H2AC7: variants seen among roughly 807,000 people sequenced by gnomAD.
H2AC7 encodes H2A clustered histone 7, also known as histone H2A type 1-D.
H2AC7 carries 15 observed loss-of-function variants against 8.3 expected under a neutral mutation model. That is an observed-to-expected ratio of 1.81 (90% CI 1.21 to 2.79). The LOEUF (loss-of-function observed/expected upper bound fraction) is 2.79, where lower values mean the gene tolerates loss of function less well. H2AC7 is among the 30% of genes most tolerant of loss of function. H2AC7 has a pLI of 0.00. For missense variants in H2AC7, 283 were observed against 175.2 expected, an observed-to-expected ratio of 1.62 and a Z score of -3.47; for synonymous variants, 168 against 80.1, an observed-to-expected ratio of 2.10 and a Z score of -5.86.
rs1275621297 is a variant in H2AC7, at chr6:26,199,257, A to T, written c.-14T>A. The T allele has an allele frequency of 1.9e-6, 3 of 1,590,850 alleles. No homozygotes were observed. The highest frequency in any genetic ancestry group is 2.0e-5 in the Admixed American group (1 of 51,164). On this transcript the variant is annotated 5_prime_UTR_variant, in exon 1 of 1. Transcript: ENST00000341023. ...GCGTCCGGACATTTTGAATTCTTAA[A>T]AACGATGTTAAGCAATGAAGACAAA...
chr6:26,198,938 T>G lies in H2AC7; in HGVS notation c.306A>C (p.Thr102=), dbSNP rs142041097. 6.2e-7 allele frequency: 1 copy of G among 1,614,202 alleles called. No individual in the cohort carries two copies. Among genetic ancestry groups the G allele is most frequent in the Non-Finnish European group, 8.5e-7 (1 of 1,180,024 alleles). Residue 102 remains threonine, a synonymous_variant, in exon 1 of 1, where the codon ACA becomes ACC. Transcript: ENST00000341023. ...TGGGCAGAACACCGCCCTGAGCAAT[T>G]GTGACTTTACCCAGCAACTTGTTTA... ...EELNKLLGKV[T]IAQGGVLPNI...
In H2AC7 at chr6:26,198,926, G is replaced by A; in HGVS notation, c.318C>T (p.Gly106=). The part of the protein sequence containing the change: ...KLLGKVTIAQ[G]GVLPNIQAVL... ...CAGCCTGGATGTTGGGCAGAACACC[G>A]CCCTGAGCAATTGTGACTTTACCCA... The change falls in exon 1 of 1, where the codon GGC becomes GGT. Residue 106 remains glycine, a synonymous_variant. Transcript: ENST00000341023. 2 of 1,614,202 alleles carry A rather than the reference G, an allele frequency of 1.2e-6. No individual in the cohort carries two copies. Among genetic ancestry groups the A allele is most frequent in the Non-Finnish European group, 1.7e-6 (2 of 1,180,024 alleles).
chr6:26,199,230 C>CA lies in H2AC7; in HGVS notation c.13_14insT (p.Gly5ValfsTer10). 3 of 1,602,800 alleles carry CA rather than the reference C, an allele frequency of 1.9e-6. No homozygotes were observed. The South Asian group carries it at 3.4e-5, about 18-fold the overall frequency. On this transcript the variant is annotated frameshift_variant, in exon 1 of 1. Transcript: ENST00000341023. LOFTEE classifies it high-confidence loss of function. ...AGCTCGGGCCTTTCCGCCTTGCTTG[C>CA]CGCGTCCGGACATTTTGAATTCTTA...
At position 26,199,146 on chromosome 6, in the gene H2AC7, C is replaced by A; in HGVS notation, c.98G>T (p.Arg33Leu). 6.2e-7 allele frequency: 1 copy of A among 1,614,114 alleles called. No homozygotes were observed. Among genetic ancestry groups the A allele is most frequent in the Non-Finnish European group, 8.5e-7 (1 of 1,180,006 alleles). Residue 33 changes from arginine (R) to leucine (L), a missense_variant, in exon 1 of 1, where the codon CGC becomes CTC. By Grantham distance (102) the Arg-to-Leu change is moderately radical. Transcript: ENST00000341023. ...GLQFPVGRVH[R>L]LLRKGNYSER... ...GGAGTAGTTGCCCTTGCGGAGCAAGCGGTGTACGCGGCCCACAGGGAACTG... is the reference window on the plus strand; with the variant it reads ...GGAGTAGTTGCCCTTGCGGAGCAAGAGGTGTACGCGGCCCACAGGGAACTG...
At position 26,198,852 on chromosome 6, in the gene H2AC7, T is replaced by C. The variant is rs1351583142; in HGVS notation, c.392A>G (p.Ter131=). Residue 131 remains the stop codon, a stop_retained_variant, in exon 1 of 1, where the codon TAA becomes TGA. Transcript: ENST00000341023. ...TESHHKAKGK[*] ...AAAGCCAATATAAGAGTTCTCGTTT[T>C]ACTTGCCCTTGGCCTTGTGGTGACT... 1.2e-6 allele frequency: 2 copies of C among 1,611,778 alleles called. No homozygotes were observed. Among genetic ancestry groups the C allele is most frequent in the South Asian group, 2.2e-5 (2 of 90,716 alleles).
At position 26,199,283 on chromosome 6, in the gene H2AC7, A is replaced by C; in HGVS notation, c.-40T>G. 1 of 1,575,442 alleles carries C rather than the reference A, an allele frequency of 6.3e-7. No individual in the cohort carries two copies. Among genetic ancestry groups the C allele is most frequent in the Non-Finnish European group, 8.6e-7 (1 of 1,168,218 alleles). Reference sequence around the variant, plus strand: ...AACGATGTTAAGCAATGAAGACAAAAATGTAAAAGTGAATTTTGTTAGCAA... The same window carrying C: ...AACGATGTTAAGCAATGAAGACAAACATGTAAAAGTGAATTTTGTTAGCAA... On this transcript the variant is annotated 5_prime_UTR_variant, in exon 1 of 1. The change creates a new upstream start codon in the 5' untranslated region. Transcript: ENST00000341023.
Position 26,199,139 on chromosome 6 carries a change from G to C in H2AC7, c.105C>G (p.Leu35=), listed in dbSNP as rs372864503. The C allele has an allele frequency of 2.3e-5, 37 of 1,614,112 alleles. No individual in the cohort carries two copies. The highest frequency in any genetic ancestry group is 3.1e-5 in the Non-Finnish European group (36 of 1,180,042). ...QFPVGRVHRL[L]RKGNYSERVG... ...CTCGCTCGGAGTAGTTGCCCTTGCGGAGCAAGCGGTGTACGCGGCCCACAG... is the reference window on the plus strand; with the variant it reads ...CTCGCTCGGAGTAGTTGCCCTTGCGCAGCAAGCGGTGTACGCGGCCCACAG... The change falls in exon 1 of 1, where the codon CTC becomes CTG. Residue 35 remains leucine, a synonymous_variant. Coordinates refer to ENST00000341023, the MANE Select transcript of H2AC7 (RefSeq NM_021065.3).
rs760519610 is a variant in H2AC7, at chr6:26,198,858, CCCTTGG to C, written c.380_385del (p.Ala127_Lys128del). 49 of 1,613,352 alleles carry C rather than the reference CCCTTGG, an allele frequency of 3.0e-5. No homozygotes were observed. Among genetic ancestry groups the C allele is most frequent in the Non-Finnish European group, 3.8e-5 (45 of 1,179,886 alleles). The stretch of plus-strand genomic sequence containing the variant: ...AATATAAGAGTTCTCGTTTTACTTG[CCCTTGG>C]CCTTGTGGTGACTCTCAGTCTTCTT... On this transcript the variant is annotated inframe_deletion, in exon 1 of 1. Coordinates refer to ENST00000341023, the MANE Select transcript of H2AC7 (RefSeq NM_021065.3).
In H2AC7 at chr6:26,199,069, G is replaced by T. The variant is rs753197401; in HGVS notation, c.175C>A (p.Leu59Met). The T allele has an allele frequency of 1.9e-6, 3 of 1,614,098 alleles. No individual in the cohort carries two copies. Among genetic ancestry groups the T allele is most frequent in the East Asian group, 2.2e-5 (1 of 44,880 alleles). The change falls in exon 1 of 1, where the codon CTG becomes ATG. Residue 59 changes from leucine (L) to methionine (M), a missense_variant. Transcript: ENST00000341023. Reference protein sequence around the residue: ...PVYLAAVLEYLTAEILELAGN... With the variant: ...PVYLAAVLEYMTAEILELAGN... Reference sequence around the variant, plus strand: ...GCCAGCTCCAGGATCTCGGCGGTCAGGTACTCCAACACCGCCGCCAGATAC... The same window carrying T: ...GCCAGCTCCAGGATCTCGGCGGTCATGTACTCCAACACCGCCGCCAGATAC...
Position 26,198,834 on chromosome 6 carries a change from A to T in H2AC7, c.*17T>A. 1 of 1,610,466 alleles carries T rather than the reference A, an allele frequency of 6.2e-7. No homozygotes were observed. Among genetic ancestry groups the T allele is most frequent in the African/African-American group, 1.3e-5 (1 of 74,656 alleles). ...TTAAGACTGCTTCCTTAAAAAGCCAATATAAGAGTTCTCGTTTTACTTGCC... is the reference window on the plus strand; with the variant it reads ...TTAAGACTGCTTCCTTAAAAAGCCATTATAAGAGTTCTCGTTTTACTTGCC... On this transcript the variant is annotated 3_prime_UTR_variant, in exon 1 of 1. Transcript: ENST00000341023.
rs1246254970 is a variant in H2AC7 at position 26,199,234 on chromosome 6, G to A, written c.10C>T (p.Arg4Cys). ...CGGGCCTTTCCGCCTTGCTTGCCGC[G>A]TCCGGACATTTTGAATTCTTAAAAA... The part of the protein sequence containing the change: MSG[R>C]GKQGGKARAK... Residue 4 changes from arginine to cysteine, a missense_variant, in exon 1 of 1, where the codon CGC becomes TGC. Transcript: ENST00000341023. The A allele has an allele frequency of 2.5e-6, 4 of 1,595,842 alleles. No individual in the cohort carries two copies. Among genetic ancestry groups the A allele is most frequent in the Admixed American group, 1.9e-5 (1 of 52,912 alleles).
rs752225254 is a variant in H2AC7 at position 26,199,236 on chromosome 6, C to G, written c.8G>C (p.Gly3Ala). Residue 3 changes from glycine (G) to alanine (A), a missense_variant, in exon 1 of 1, where the codon GGA becomes GCA. Coordinates refer to ENST00000341023, the MANE Select transcript of H2AC7 (RefSeq NM_021065.3). ...GGCCTTTCCGCCTTGCTTGCCGCGTCCGGACATTTTGAATTCTTAAAAACG... is the reference window on the plus strand; with the variant it reads ...GGCCTTTCCGCCTTGCTTGCCGCGTGCGGACATTTTGAATTCTTAAAAACG... MS[G>A]RGKQGGKARA... 45 of 1,595,606 alleles carry G rather than the reference C, an allele frequency of 2.8e-5. No individual in the cohort carries two copies. Among genetic ancestry groups the G allele is most frequent in the Non-Finnish European group, 3.7e-5 (44 of 1,175,518 alleles).
chr6:26,198,988 G>C lies in H2AC7; in HGVS notation c.256C>G (p.Leu86Val), dbSNP rs762403025. The change falls in exon 1 of 1, where the codon CTG (leucine) becomes GTG (valine). Residue 86 changes from leucine (L) to valine (V), a missense_variant. Leu to Val is a conservative substitution (Grantham distance 32). Transcript: ENST00000341023. The stretch of plus-strand genomic sequence containing the variant: ...AGCTCCTCGTCGTTGCGGATGGCCA[G>C]CTGCAGGTGTCGGGGGATGATGCGG... ...KTRIIPRHLQ[L>V]AIRNDEELNK... 1.2e-6 allele frequency: 2 copies of C among 1,614,216 alleles called. No homozygotes were observed. The highest frequency in any genetic ancestry group is 1.7e-6 in the Non-Finnish European group (2 of 1,180,044).
In H2AC7 at chr6:26,199,076, C is replaced by G; in HGVS notation, c.168G>C (p.Leu56Phe). ...CCAGGATCTCGGCGGTCAGGTACTCCAACACCGCCGCCAGATACACTGGCG... is the reference window on the plus strand; with the variant it reads ...CCAGGATCTCGGCGGTCAGGTACTCGAACACCGCCGCCAGATACACTGGCG... ...AGAPVYLAAV[L>F]EYLTAEILEL... Residue 56 changes from leucine (L) to phenylalanine (F), a missense_variant, in exon 1 of 1, where the codon TTG becomes TTC. Coordinates refer to ENST00000341023, the MANE Select transcript of H2AC7 (RefSeq NM_021065.3). 24 of 1,614,168 alleles carry G rather than the reference C, an allele frequency of 1.5e-5. No homozygotes were observed. Among genetic ancestry groups the G allele is most frequent in the Non-Finnish European group, 1.9e-5 (22 of 1,180,036 alleles).
At position 26,199,135 on chromosome 6, in the gene H2AC7, T is replaced by TG. The variant is rs763626347; in HGVS notation, c.108dup (p.Lys37GlnfsTer64). ...CCGACTCGCTCGGAGTAGTTGCCCTTGCGGAGCAAGCGGTGTACGCGGCCC... is the reference window on the plus strand; with the variant it reads ...CCGACTCGCTCGGAGTAGTTGCCCTTGGCGGAGCAAGCGGTGTACGCGGCCC... On this transcript the variant is annotated frameshift_variant, in exon 1 of 1. Coordinates refer to ENST00000341023, the MANE Select transcript of H2AC7 (RefSeq NM_021065.3). LOFTEE classifies it high-confidence loss of function. 1.2e-5 allele frequency: 19 copies of TG among 1,614,094 alleles called. No individual in the cohort carries two copies. The highest frequency in any genetic ancestry group is 1.4e-5 in the Non-Finnish European group (17 of 1,180,052).
rs1765053232 is a variant in H2AC7, at chr6:26,198,896, C to G, written c.348G>C (p.Leu116=). Residue 116 remains leucine (L), a synonymous_variant, in exon 1 of 1, where the codon CTG becomes CTC. Transcript: ENST00000341023. ...GGTGACTCTCAGTCTTCTTGGGGAG[C>G]AGTACAGCCTGGATGTTGGGCAGAA... ...GGVLPNIQAV[L]LPKKTESHHK... is the part of the protein sequence containing the mutation. 6.2e-7 allele frequency: 1 copy of G among 1,614,226 alleles called. No homozygotes were observed. The highest frequency in any genetic ancestry group is 8.5e-7 in the Non-Finnish European group (1 of 1,180,042).
rs1561981692 is a variant in H2AC7, at chr6:26,198,943, C to T, written c.301G>A (p.Val101Ile). ...AGAACACCGCCCTGAGCAATTGTGA[C>T]TTTACCCAGCAACTTGTTTAGCTCC... ...DEELNKLLGK[V>I]TIAQGGVLPN... Residue 101 changes from valine (V) to isoleucine (I), a missense_variant, in exon 1 of 1, where the codon GTC (valine) becomes ATC (isoleucine). By Grantham distance (29) the Val-to-Ile change is conservative. Coordinates refer to ENST00000341023, the MANE Select transcript of H2AC7 (RefSeq NM_021065.3). 3.1e-6 allele frequency: 5 copies of T among 1,614,122 alleles called. No individual in the cohort carries two copies. Among genetic ancestry groups the T allele is most frequent in the East Asian group, 4.5e-5 (2 of 44,896 alleles).
chr6:26,199,191 C>T lies in H2AC7; in HGVS notation c.53G>A (p.Arg18His), dbSNP rs1765066745. Residue 18 changes from arginine to histidine, a missense_variant, in exon 1 of 1, where the codon CGC becomes CAC. Coordinates refer to ENST00000341023, the MANE Select transcript of H2AC7 (RefSeq NM_021065.3). ...GGKARAKAKT[R>H]SSRAGLQFPV... is the part of the protein sequence containing the mutation. ...GAACTGGAGTCCGGCCCGCGAAGAG[C>T]GGGTCTTAGCCTTAGCTCGGGCCTT... 1.9e-6 allele frequency: 3 copies of T among 1,613,886 alleles called. No individual in the cohort carries two copies. Among genetic ancestry groups the T allele is most frequent in the Non-Finnish European group, 2.5e-6 (3 of 1,179,900 alleles).
rs201050533 is a variant in H2AC7 at position 26,199,263 on chromosome 6, T to C, written c.-20A>G. The C allele has an allele frequency of 2.9e-4, 466 of 1,586,504 alleles. 3 individuals carry two copies. Among genetic ancestry groups the C allele is most frequent in the East Asian group, 8.9e-5 (4 of 44,776 alleles). On this transcript the variant is annotated 5_prime_UTR_variant, in exon 1 of 1. Coordinates refer to ENST00000341023, the MANE Select transcript of H2AC7 (RefSeq NM_021065.3). ...GGACATTTTGAATTCTTAAAAACGA[T>C]GTTAAGCAATGAAGACAAAAATGTA...
Sources: gnomAD v4.1 joint callset for allele counts on GRCh38, gnomAD v4.1.1 for gene constraint, MANE v1.5 for transcripts, NCBI Gene and HGNC (gene_info 2026-07-23, HGNC 2026-07-21) for gene names.